The following EXOC4 variants were observed in gnomAD, a reference collection of about 807,000 sequenced individuals.
EXOC4 encodes the protein exocyst complex component 4.
In EXOC4, 71 loss-of-function variants were observed where a neutral mutation model predicts 107.2. The observed-to-expected ratio is 0.66, with a 90% confidence interval of 0.55 to 0.81. The LOEUF is 0.81. EXOC4 is among the 30% of genes least tolerant of loss of function. The pLI is 0.00. For missense variants in EXOC4, 1,108 were observed against 1,189.6 expected, an observed-to-expected ratio of 0.93 and a Z score of 1.01; for synonymous variants, 456 against 441.2, an observed-to-expected ratio of 1.03 and a Z score of -0.42.
intron 10 of EXOC4, among the ~76,000 whole-genome samples, chr7:133,786,289 C>T (rs1439497871): frequency 6.6e-6 from 1 of 152,154 alleles, no homozygotes; most frequent in Non-Finnish European, 1.5e-5. Context: ...CCAGTTATCG[C>T]TAACTCCCAA....
chr7:133,442,374 T>C (rs574999237), intron 7 of EXOC4, among the ~76,000 whole-genome samples: 1 of 152,316 alleles, frequency 6.6e-6, no homozygotes, highest in South Asian at 2.1e-4. Flanking sequence ...AATTTATTCA[T>C]TTATTAAACA....
chr7:133,570,242 C>T lies in EXOC4; in HGVS notation c.1418-59803C>T, dbSNP rs973264959. On this transcript the variant is annotated intron_variant, in intron 9 of 17. Transcript: ENST00000253861. ...TAATATTGTCAGGAAGAGGGGCTGCCGGGGCTTTTTAGACTGAAGATTGGG... is the reference window on the plus strand; with the variant it reads ...TAATATTGTCAGGAAGAGGGGCTGCTGGGGCTTTTTAGACTGAAGATTGGG... Among the ~76,000 whole-genome samples, 5 of 152,064 alleles carry T rather than the reference C, an allele frequency of 3.3e-5. 1 individual carries two copies. The highest frequency in any genetic ancestry group is 2.0e-4 in the Admixed American group (3 of 15,252).
chr7:133,899,994 T>C (rs1237268348), intron 12 of EXOC4, among the ~76,000 whole-genome samples: 2 of 152,018 alleles, frequency 1.3e-5, no homozygotes, highest in African/African-American at 4.8e-5. Flanking sequence ...CAAGCGATTC[T>C]CCCACCGCCT....
At chr7:133,875,689 A>G (rs1347559924) in intron 11 of EXOC4, among the ~76,000 whole-genome samples, 2 of 152,074 alleles carry the variant, frequency 1.3e-5, no homozygotes, top group African/African-American at 4.8e-5. Context: ...AATGTCTCCA[A>G]TGACAGTCTT....
intron 9 of EXOC4, among the ~76,000 whole-genome samples, chr7:133,594,927 T>A (rs1370296949): frequency 6.6e-6 from 1 of 152,134 alleles, no homozygotes; most frequent in African/African-American, 2.4e-5. Context: ...AGAGTAATGA[T>A]GGTAGTAGGT....
chr7:133,312,936 C>G (rs897055563), intron 4 of EXOC4, among the ~76,000 whole-genome samples: 1 of 151,870 alleles, frequency 6.6e-6, no homozygotes, highest in Non-Finnish European at 1.5e-5. Context: ...TTGCATGATC[C>G]TGGATAATAC....
intron 2 of EXOC4, among the ~76,000 whole-genome samples, chr7:133,284,117 A>G (rs1429432425): frequency 6.6e-6 from 1 of 152,084 alleles, no homozygotes; most frequent in Non-Finnish European, 1.5e-5. Context: ...TTTATCCCCC[A>G]CAAATTCTAT....
At chr7:133,636,817 A>G (rs940947186) in intron 10 of EXOC4, among the ~76,000 whole-genome samples, 5 of 152,232 alleles carry the variant, frequency 3.3e-5, no homozygotes, top group Non-Finnish European at 7.3e-5. Context: ...AAGTCCTGGC[A>G]TCTAGGTCAG....
chr7:133,291,768 G>A (rs10251975), intron 3 of EXOC4, among the ~76,000 whole-genome samples: 7 of 151,930 alleles, frequency 4.6e-5, no homozygotes, highest in East Asian at 1.9e-4. Context: ...TTAACCCGTC[G>A]AAAGTCCATT....
chr7:133,528,996 T>C (rs1800131381), intron 9 of EXOC4, among the ~76,000 whole-genome samples: 1 of 152,142 alleles, frequency 6.6e-6, no homozygotes, highest in Non-Finnish European at 1.5e-5. Flanking sequence ...GAATGGAATA[T>C]AGCTCATTAA....
chr7:133,379,334 T>C (rs971708133), intron 7 of EXOC4, among the ~76,000 whole-genome samples: 1 of 152,126 alleles, frequency 6.6e-6, no homozygotes, highest in Non-Finnish European at 1.5e-5. Context: ...GTCTTTTTTT[T>C]CTCTTTTCTG....
intron 17 of EXOC4, among the ~76,000 whole-genome samples, chr7:134,026,586 A>G (rs1321708820): frequency 6.6e-6 from 1 of 151,736 alleles, no homozygotes; most frequent in East Asian, 1.9e-4. Flanking sequence ...CTGAATGAAT[A>G]AAATGTAGCT....
intron 3 of EXOC4, among the ~76,000 whole-genome samples, chr7:133,302,263 A>T (rs1783556651): frequency 6.6e-6 from 1 of 152,212 alleles, no homozygotes; most frequent in Admixed American, 6.5e-5. Context: ...GCTTATCTTC[A>T]TAATCCTAAA....
At chr7:134,059,616 T>C (rs955225896) in intron 17 of EXOC4, among the ~76,000 whole-genome samples, 1 of 152,190 alleles carries the variant, frequency 6.6e-6, no homozygotes, top group Non-Finnish European at 1.5e-5. Context: ...CTAAATAATA[T>C]ACTTATCTTT....
chr7:133,849,912 T>C (rs1285654716), intron 11 of EXOC4, among the ~76,000 whole-genome samples: 1 of 152,248 alleles, frequency 6.6e-6, no homozygotes, highest in Non-Finnish European at 1.5e-5. Flanking sequence ...TTTAACAATA[T>C]GCTATAAACA....
At chr7:133,258,626 G>A (rs557797028) in intron 1 of EXOC4, among the ~76,000 whole-genome samples, 5 of 152,248 alleles carry the variant, frequency 3.3e-5, no homozygotes, top group African/African-American at 1.2e-4. Flanking sequence ...AGGATCTGTA[G>A]CCTCTTCTGT....
At chr7:133,532,348 G>C (rs562431138) in intron 9 of EXOC4, among the ~76,000 whole-genome samples, 1 of 152,118 alleles carries the variant, frequency 6.6e-6, no homozygotes, top group Non-Finnish European at 1.5e-5. Flanking sequence ...AAAAAGACAA[G>C]ATTTATGATA....
chr7:133,536,323 CT>C (rs1306984180), intron 9 of EXOC4, among the ~76,000 whole-genome samples: 2 of 152,016 alleles, frequency 1.3e-5, no homozygotes, highest in African/African-American at 4.8e-5. Context: ...CTGTTTGCCC[CT>C]CCCTCCTCCT....
intron 9 of EXOC4, among the ~76,000 whole-genome samples, chr7:133,572,379 A>G (rs537966315): frequency 6.6e-6 from 1 of 152,346 alleles, no homozygotes; most frequent in East Asian, 1.9e-4. Context: ...AGGCTAAAAC[A>G]TGAACTGGAA....
Sources: gnomAD v4.1 joint callset for allele counts (sites outside exome capture counted in the v4.1 genomes callset) on GRCh38, gnomAD v4.1.1 for gene constraint, MANE v1.5 for transcripts, NCBI Gene and HGNC (gene_info 2026-07-23, HGNC 2026-07-21) for gene names.